Variants in ANTXR2 observed in about 807,000 individuals in gnomAD.
ANTXR2 encodes the protein anthrax toxin receptor 2.
Under a neutral mutation model 73.7 loss-of-function variants are expected in ANTXR2, and 44 were observed. The ratio of observed to expected loss-of-function variants is 0.60; its 90% CI spans 0.47 to 0.77. The LOEUF is 0.77. Ranked by LOEUF, ANTXR2 falls within the 30% of genes least tolerant of loss-of-function variation. ANTXR2 has a pLI of 0.00. For missense variants in ANTXR2, 604 were observed against 592.5 expected, an observed-to-expected ratio of 1.02 and a Z score of -0.20; for synonymous variants, 217 against 205.9, an observed-to-expected ratio of 1.05 and a Z score of -0.46.
intron 5 of ANTXR2, 27 bp downstream of exon 5, chr4:80,055,333 A>T (rs1322651730): frequency 6.3e-7 from 1 of 1,587,398 alleles, no homozygotes; most frequent in South Asian, 1.1e-5. Context: ...AGTGGGGTGT[A>T]GAGAACAGTC....
At chr4:80,010,402 A>G (rs1452227098) in intron 11 of ANTXR2, among the ~76,000 whole-genome samples, 1 of 152,198 alleles carries the variant, frequency 6.6e-6, no homozygotes, top group Non-Finnish European at 1.5e-5. Context: ...GACAGCCCCT[A>G]TCTGTGACTG....
At chr4:80,019,016 A>C in intron 10 of ANTXR2, 40 bp from the exon 11 acceptor site, 1 of 1,314,576 alleles carries the variant, frequency 7.6e-7, no homozygotes, top group Non-Finnish European at 1.0e-6. Context: ...ATACATTTAA[A>C]ACCAGAGGAG....
chr4:79,956,440 T>C (rs994163266), intron 16 of ANTXR2, among the ~76,000 whole-genome samples: 17 of 152,226 alleles, frequency 1.1e-4, no homozygotes, highest in South Asian at 4.1e-4. Flanking sequence ...GAGCGTTCAC[T>C]GGATTTTAAA....
In ANTXR2 at chr4:80,005,004, T is replaced by C. The variant is rs538637796; in HGVS notation, c.1041+3517A>G. On this transcript the variant is annotated intron_variant, in intron 12 of 16. Transcript: ENST00000403729. ...AAGTAACATTGTCATCACTGACTCATTGATTAGAGGTCTATGAGATTTTAA... is the reference window on the plus strand; with the variant it reads ...AAGTAACATTGTCATCACTGACTCACTGATTAGAGGTCTATGAGATTTTAA... Among the ~76,000 whole-genome samples, 25 of 152,274 alleles carry C rather than the reference T, an allele frequency of 1.6e-4. No individual in the cohort carries two copies. In the South Asian group the frequency reaches 4.8e-3, roughly 29 times the overall value.
chr4:79,952,915 ACTTT>A (rs1400992820), intron 16 of ANTXR2, among the ~76,000 whole-genome samples: 4 of 152,044 alleles, frequency 2.6e-5, no homozygotes, highest in African/African-American at 9.7e-5. Context: ...ATTTGATAAA[ACTTT>A]CTTTCTCAGC....
chr4:79,936,964 G>C (rs1489832689), intron 16 of ANTXR2, among the ~76,000 whole-genome samples: 3 of 152,042 alleles, frequency 2.0e-5, no homozygotes, highest in African/African-American at 7.2e-5. Context: ...AAGTCAGCAA[G>C]CAATGGATAA....
chr4:80,033,332 G>C (rs1241637693), intron 9 of ANTXR2, 140 bp downstream of exon 9: 4 of 599,052 alleles, frequency 6.7e-6, no homozygotes, highest in African/African-American at 5.9e-5. Context: ...ACTACTATTT[G>C]TATTATCATT....
chr4:79,955,560 T>A (rs1287625690), intron 16 of ANTXR2, among the ~76,000 whole-genome samples: 1 of 152,128 alleles, frequency 6.6e-6, no homozygotes, highest in African/African-American at 2.4e-5. Flanking sequence ...AGGCCTCCTC[T>A]CTGAGGGCAA....
intron 12 of ANTXR2, among the ~76,000 whole-genome samples, chr4:79,989,851 T>C (rs1730379239): frequency 6.6e-6 from 1 of 152,082 alleles, no homozygotes; most frequent in East Asian, 1.9e-4. Flanking sequence ...TAAATGTGAT[T>C]CATTACATGA....
At chr4:80,033,606 G>T in intron 8 of ANTXR2, 36 bp from the exon 9 acceptor site, 1 of 1,454,038 alleles carries the variant, frequency 6.9e-7, no homozygotes, top group South Asian at 1.3e-5. Context: ...TTTAATCACT[G>T]CTTTACCAAA....
chr4:80,020,660 A>G (rs1732115765), intron 10 of ANTXR2, among the ~76,000 whole-genome samples: 2 of 152,232 alleles, frequency 1.3e-5, no homozygotes, highest in Non-Finnish European at 1.5e-5. Flanking sequence ...TCTTTCCATC[A>G]TATCAGAGAG....
intron 16 of ANTXR2, among the ~76,000 whole-genome samples, chr4:79,957,743 T>C (rs1728980415): frequency 6.6e-6 from 1 of 152,058 alleles, no homozygotes; most frequent in Non-Finnish European, 1.5e-5. Context: ...AAAATTCTCA[T>C]AAACAATATG....
rs1310232643 is a variant in ANTXR2, at chr4:80,016,947, T to A, written c.945+1951A>T. The stretch of plus-strand genomic sequence containing the variant: ...CTACCCTCCTCTGGGTGGGGAAGGA[T>A]TCCTGCATTACTGCAATAGCCACAG... On this transcript the variant is annotated intron_variant, in intron 11 of 16. Coordinates refer to ENST00000403729, the MANE Select transcript of ANTXR2 (RefSeq NM_058172.6). Among the ~76,000 whole-genome samples the A allele has an allele frequency of 3.3e-5, 5 of 152,376 alleles. No individual in the cohort carries two copies. The East Asian group carries it at 9.6e-4, about 29-fold the overall frequency.
chr4:79,916,291 T>G (rs1480868724), intron 16 of ANTXR2, among the ~76,000 whole-genome samples: 1 of 152,104 alleles, frequency 6.6e-6, no homozygotes, highest in East Asian at 1.9e-4. Flanking sequence ...CATATCTAGA[T>G]GTAGATATAG....
At chr4:80,049,557 C>T (rs866978388) in intron 7 of ANTXR2, among the ~76,000 whole-genome samples, 1 of 151,676 alleles carries the variant, frequency 6.6e-6, no homozygotes, top group African/African-American at 2.4e-5. Flanking sequence ...TCCACCTGGC[C>T]TCTAACTCCC....
At chr4:79,974,759 G>C (rs1357327613) in intron 16 of ANTXR2, among the ~76,000 whole-genome samples, 1 of 150,992 alleles carries the variant, frequency 6.6e-6, no homozygotes, top group African/African-American at 2.4e-5. Flanking sequence ...TTAGACAAAA[G>C]TGTGAGCATA....
At chr4:79,959,749 C>T (rs1400328108) in intron 16 of ANTXR2, among the ~76,000 whole-genome samples, 2 of 152,150 alleles carry the variant, frequency 1.3e-5, no homozygotes, top group South Asian at 4.1e-4. Context: ...GGCTAAGTCC[C>T]GCTAAACACA....
At chr4:79,948,447 T>C (rs1253721694) in intron 16 of ANTXR2, among the ~76,000 whole-genome samples, 1 of 152,112 alleles carries the variant, frequency 6.6e-6, no homozygotes, top group Non-Finnish European at 1.5e-5. Context: ...TTTCTTAAAG[T>C]GTCAAATTAA....
intron 6 of ANTXR2, 45 bp from the exon 7 acceptor site, chr4:80,054,397 T>C (rs764827746): frequency 7.6e-7 from 1 of 1,322,296 alleles, no homozygotes. Context: ...GGCTGACACA[T>C]ACAACAATTT....
Sources: allele counts gnomAD v4.1 joint callset (sites outside exome capture counted in the v4.1 genomes callset), GRCh38; gene constraint gnomAD v4.1.1; transcripts MANE v1.5; gene names NCBI Gene and HGNC (gene_info 2026-07-23, HGNC 2026-07-21).